Variants in HMBOX1 observed in about 807,000 individuals in gnomAD.
HMBOX1 encodes homeobox containing 1, also known as homeobox-containing protein 1.
Under a neutral mutation model 54.5 loss-of-function variants are expected in HMBOX1, and 14 were observed. The ratio of observed to expected loss-of-function variants is 0.26; its 90% CI spans 0.17 to 0.40. The LOEUF is 0.40. Ranked by LOEUF, HMBOX1 falls within the 10% of genes least tolerant of loss-of-function variation. The pLI is 1.00. For synonymous variants in HMBOX1, 160 were observed against 181.0 expected, an observed-to-expected ratio of 0.88 and a Z score of 0.93; for missense variants, 332 against 514.4, an observed-to-expected ratio of 0.65 and a Z score of 3.43.
At chr8:28,933,362 T>C (rs949134469) in intron 1 of HMBOX1, among the ~76,000 whole-genome samples, 3 of 152,136 alleles carry the variant, frequency 2.0e-5, no homozygotes, top group South Asian at 4.1e-4. Flanking sequence ...GTCAACTAAA[T>C]AGACTGCCAA....
Position 28,963,983 on chromosome 8 carries a change from C to T in HMBOX1, c.23+93C>T, listed in dbSNP as rs138810033. ...ATTATGATCCAGATTTGACAACAGACGTTTGTAGAGTTGAAAAGCTTTTTT... is the reference window on the plus strand; with the variant it reads ...ATTATGATCCAGATTTGACAACAGATGTTTGTAGAGTTGAAAAGCTTTTTT... On this transcript the variant is annotated intron_variant, in intron 2 of 9. Coordinates refer to ENST00000287701, the MANE Select transcript of HMBOX1 (RefSeq NM_001135726.3). The T allele has an allele frequency of 1.3e-3, 1,334 of 990,008 alleles. 5 individuals are homozygous for T. The African/African-American group carries it at 0.018, about 13-fold the overall frequency. The allele number at this position is 990,008 out of a possible 1,614,324, so 61.3% of individuals were successfully genotyped here.
chr8:28,954,767 A>G (rs1290936280), intron 1 of HMBOX1, among the ~76,000 whole-genome samples: 1 of 152,216 alleles, frequency 6.6e-6, no homozygotes, highest in Non-Finnish European at 1.5e-5. Flanking sequence ...AGATGTATGA[A>G]GAAGGATGGA....
chr8:28,918,231 T>C (rs907927668), intron 1 of HMBOX1, among the ~76,000 whole-genome samples: 1 of 152,230 alleles, frequency 6.6e-6, no homozygotes, highest in African/African-American at 2.4e-5. Flanking sequence ...TGAGATGGAC[T>C]CTTGCTCTGT....
At chr8:28,960,810 C>T (rs531118479) in intron 1 of HMBOX1, among the ~76,000 whole-genome samples, 2 of 86,072 alleles carry the variant, frequency 2.3e-5, no homozygotes, top group Admixed American at 1.9e-4. Context: ...TTTTTGGAGA[C>T]GGAGTCTTGC....
In HMBOX1 at chr8:29,042,146, A is replaced by G. The variant is rs149333652; in HGVS notation, c.852-3215A>G. Among the ~76,000 whole-genome samples the G allele has an allele frequency of 5.8e-3, 880 of 152,330 alleles. 4 individuals are homozygous for G. The highest frequency in any genetic ancestry group is 0.014 in the Middle Eastern group (4 of 294). On this transcript the variant is annotated intron_variant, in intron 6 of 9. Coordinates refer to ENST00000287701, the MANE Select transcript of HMBOX1 (RefSeq NM_001135726.3). ...ATGCATCCTGACTTCGGAGATCACA[A>G]TAATGAAGAAATATGTATTATAAAA...
chr8:28,981,959 C>T (rs571454092), intron 4 of HMBOX1, among the ~76,000 whole-genome samples: 6 of 152,152 alleles, frequency 3.9e-5, no homozygotes, highest in African/African-American at 9.6e-5. Context: ...GAATACTGGC[C>T]GGGCGTGGTG....
chr8:28,957,441 A>G (rs916943999), intron 1 of HMBOX1, among the ~76,000 whole-genome samples: 1 of 152,192 alleles, frequency 6.6e-6, no homozygotes, highest in Admixed American at 6.5e-5. Flanking sequence ...AAAGGTTGAA[A>G]AAATAACTGT....
chr8:29,041,058 C>A (rs528944767), intron 6 of HMBOX1, among the ~76,000 whole-genome samples: 2 of 152,134 alleles, frequency 1.3e-5, no homozygotes, highest in African/African-American at 4.8e-5. Flanking sequence ...GATCATTAAA[C>A]GAGTTCTTAA....
chr8:28,933,962 C>T (rs1436631438), intron 1 of HMBOX1, among the ~76,000 whole-genome samples: 2 of 152,146 alleles, frequency 1.3e-5, no homozygotes, highest in Non-Finnish European at 2.9e-5. Context: ...GGTAACACTT[C>T]TCAACTCATG....
At chr8:28,984,472 A>T (rs1209239428) in intron 4 of HMBOX1, among the ~76,000 whole-genome samples, 5 of 152,238 alleles carry the variant, frequency 3.3e-5, no homozygotes, top group Admixed American at 6.5e-5. Context: ...TATAAGATAA[A>T]CAAGAAGTTC....
At chr8:28,991,698 T>G (rs28753373) in intron 4 of HMBOX1, among the ~76,000 whole-genome samples, 4,872 of 152,238 alleles carry the variant, frequency 0.032, 250 homozygotes, top group African/African-American at 0.11. Context: ...CCCTTGACAG[T>G]TTTAAACATA....
At chr8:28,934,559 C>T (rs1490374300) in intron 1 of HMBOX1, among the ~76,000 whole-genome samples, 1 of 152,096 alleles carries the variant, frequency 6.6e-6, no homozygotes, top group Non-Finnish European at 1.5e-5. Context: ...AAAACAAATC[C>T]TAAGGGATAT....
chr8:28,905,580 G>A (rs775404539), intron 1 of HMBOX1, among the ~76,000 whole-genome samples: 81 of 152,164 alleles, frequency 5.3e-4, no homozygotes, highest in Non-Finnish European at 2.8e-4. Flanking sequence ...AAATCTTTAG[G>A]TATTTGGGAT....
chr8:28,937,753 G>A (rs1221723956), intron 1 of HMBOX1, among the ~76,000 whole-genome samples: 1 of 152,170 alleles, frequency 6.6e-6, no homozygotes, highest in South Asian at 2.1e-4. Context: ...AAATGTGATC[G>A]ATCATCAGAG....
intron 1 of HMBOX1, among the ~76,000 whole-genome samples, chr8:28,947,481 G>C (rs1026983839): frequency 1.2e-4 from 19 of 152,136 alleles, no homozygotes; most frequent in African/African-American, 4.6e-4. Flanking sequence ...CTTCCTTTCA[G>C]CACTCGCTAC....
chr8:28,900,119 C>T (rs1388060546), intron 1 of HMBOX1, among the ~76,000 whole-genome samples: 2 of 150,754 alleles, frequency 1.3e-5, no homozygotes, highest in Admixed American at 6.6e-5. Flanking sequence ...GGCATCATGG[C>T]GCGCCTGTAA....
chr8:28,926,396 A>G (rs188051318), intron 1 of HMBOX1, among the ~76,000 whole-genome samples: 1 of 152,172 alleles, frequency 6.6e-6, no homozygotes, highest in Admixed American at 6.5e-5. Context: ...TATCTTTGTA[A>G]TGTTCAAATT....
At chr8:29,045,490 G>A (rs1194684554) in intron 7 of HMBOX1, 47 bp downstream of exon 7, 1 of 1,478,498 alleles carries the variant, frequency 6.8e-7, no homozygotes. Context: ...CACAGCGCTT[G>A]GTTACAGGTT....
rs548288660 is a variant in HMBOX1 at position 28,915,414 on chromosome 8, G to A, written c.-58+24736G>A. On this transcript the variant is annotated intron_variant, in intron 1 of 9. Coordinates refer to ENST00000287701, the MANE Select transcript of HMBOX1 (RefSeq NM_001135726.3). ...CTACTAAAAATACAAAAAATTAGCC[G>A]GGCATGGTGGCAGGTGCCTGTAGTC... is the stretch of plus-strand genomic sequence containing the variant. Among the ~76,000 whole-genome samples, 15 of 151,776 alleles carry A rather than the reference G, an allele frequency of 9.9e-5. No homozygotes were observed. In the South Asian group the frequency reaches 2.5e-3, roughly 25 times the overall value.
Sources: allele counts gnomAD v4.1 joint callset (sites outside exome capture counted in the v4.1 genomes callset), GRCh38; gene constraint gnomAD v4.1.1; transcripts MANE v1.5; gene names NCBI Gene and HGNC (gene_info 2026-07-23, HGNC 2026-07-21).